Variants in HPS4 observed in about 807,000 individuals in gnomAD.
HPS4 encodes BLOC-3 complex member HPS4.
In HPS4, 44 loss-of-function variants were observed where a neutral mutation model predicts 70.3. That is an observed-to-expected ratio of 0.63 (90% confidence interval 0.49 to 0.80). The LOEUF (loss-of-function observed/expected upper bound fraction) is 0.80. Among genes scored for constraint, HPS4 ranks in the 30% least tolerant of loss-of-function variants. HPS4 has a pLI of 0.00. For synonymous variants in HPS4, 377 were observed against 355.9 expected (o/e 1.06, Z -0.67); for missense variants, 873 against 884.4 (o/e 0.99, Z 0.16).
intron 5 of HPS4, 33 bp from the exon 6 acceptor site, chr22:26,472,451 A>C: frequency 7.5e-7 from 1 of 1,326,998 alleles, no homozygotes; most frequent in Non-Finnish European, 1.1e-6. Context: ...TCAATATCTG[A>C]GATTTTGAGG....
chr22:26,463,370 C>T (rs1344577253), intron 11 of HPS4, among the ~76,000 whole-genome samples: 1 of 152,204 alleles, frequency 6.6e-6, no homozygotes, highest in Non-Finnish European at 1.5e-5. Flanking sequence ...CTGTGACACA[C>T]TGCGGAGGAG....
At chr22:26,480,693 G>C (rs1287001060) in intron 2 of HPS4, among the ~76,000 whole-genome samples, 1 of 152,054 alleles carries the variant, frequency 6.6e-6, no homozygotes, top group African/African-American at 2.4e-5. Flanking sequence ...TAGGTAGGAG[G>C]ACTGCTTGAG....
Position 26,452,686 on chromosome 22 carries a change from T to C in HPS4, c.*547A>G, listed in dbSNP as rs931188986. ...AGAATTCAACCAAGTGGTCTCCGTG[T>C]GCTGCCGCTTCCCTGCAGGAACGAT... On this transcript the variant is annotated 3_prime_UTR_variant, in exon 14 of 14. Transcript: ENST00000398145. 4.1e-6 allele frequency: 1 copy of C among 245,630 alleles called. No homozygotes were observed. Among genetic ancestry groups the C allele is most frequent in the African/African-American group, 2.3e-5 (1 of 43,836 alleles). 15.2% of individuals were successfully genotyped at this position (245,630 alleles called of 1,614,324 possible). A position where few individuals can be genotyped will look rare whatever the true frequency, so the allele number is the denominator to read the frequency against.
In HPS4 at chr22:26,470,757, C is replaced by A. The variant is rs13054747; in HGVS notation, c.558G>T (p.Ser186=). The change falls in exon 7 of 14, where the codon TCG becomes TCT. Residue 186 remains serine, a synonymous_variant. Coordinates refer to ENST00000398145, the MANE Select transcript of HPS4 (RefSeq NM_022081.6). Reference sequence around the variant, plus strand: ...GGATGCAGCCAGCGAGAATGTGAGGCGAGCGCTGGCAGGTCTGCAGAATGC... The same window carrying A: ...GGATGCAGCCAGCGAGAATGTGAGGAGAGCGCTGGCAGGTCTGCAGAATGC... ...AARILQTCQR[S]PHILAGCILY... 6.2e-7 allele frequency: 1 copy of A among 1,614,078 alleles called. No homozygotes were observed. Among genetic ancestry groups the A allele is most frequent in the Admixed American group, 1.7e-5 (1 of 60,012 alleles).
At chr22:26,479,428 T>G in intron 2 of HPS4, 73 bp from the exon 3 acceptor site, 1 of 1,579,998 alleles carries the variant, frequency 6.3e-7, no homozygotes. Context: ...CAGCTTCCTG[T>G]TTCCCAGCCC....
chr22:26,464,439 G>A lies in HPS4; in HGVS notation c.1191C>T (p.Gly397=), dbSNP rs1445464187. Residue 397 remains glycine (G), a synonymous_variant, in exon 11 of 14, where the codon GGC becomes GGT. Coordinates refer to ENST00000398145, the MANE Select transcript of HPS4 (RefSeq NM_022081.6). ...GAGATGCCTTGCAGTAAGGAGCCCT[G>A]CCATCTGGAACAGGCACATGTAGGA... ...FAFLHVPVPD[G]RAPYCKASLS... The A allele has an allele frequency of 1.2e-6, 2 of 1,614,200 alleles. No homozygotes were observed. Among genetic ancestry groups the A allele is most frequent in the East Asian group, 4.5e-5 (2 of 44,884 alleles).
At chr22:26,458,368 C>T in intron 12 of HPS4, 77 bp downstream of exon 12, 1 of 1,558,736 alleles carries the variant, frequency 6.4e-7, no homozygotes, top group Non-Finnish European at 8.8e-7. Context: ...CATCATGATG[C>T]TGGGGCTCAA....
At chr22:26,471,007 C>T (rs932158147) in intron 6 of HPS4, 194 bp from the exon 7 acceptor site, 2 of 1,113,810 alleles carry the variant, frequency 1.8e-6, no homozygotes, top group African/African-American at 3.1e-5. Flanking sequence ...ACTGCTGACA[C>T]CACTAAATGC....
intron 7 of HPS4, among the ~76,000 whole-genome samples, chr22:26,469,238 G>A (rs1005860675): frequency 6.9e-6 from 1 of 145,222 alleles, no homozygotes; most frequent in African/African-American, 2.6e-5. Context: ...CTTGAGCTTA[G>A]GAGTTTGAGA....
chr22:26,456,198 A>G (rs913844650), intron 13 of HPS4, among the ~76,000 whole-genome samples: 5 of 152,168 alleles, frequency 3.3e-5, no homozygotes, highest in African/African-American at 1.2e-4. Context: ...CTCACACTGG[A>G]CCACACTGCC....
chr22:26,465,568 A>G lies in HPS4; in HGVS notation c.707-17T>C. 3 of 1,604,122 alleles carry G rather than the reference A, an allele frequency of 1.9e-6. No individual in the cohort carries two copies. The highest frequency in any genetic ancestry group is 1.1e-5 in the South Asian group (1 of 90,848). On this transcript the variant is annotated splice_polypyrimidine_tract_variant and intron_variant, in intron 9 of 13. Coordinates refer to ENST00000398145, the MANE Select transcript of HPS4 (RefSeq NM_022081.6). ...ATGCCGCTCCTGGAATTGCAAAGCA[A>G]TATGAACAGGACTTTCCCCTGAGCC... is the stretch of plus-strand genomic sequence containing the variant.
At chr22:26,465,377 G>A (rs2088324355) in intron 10 of HPS4, 78 bp downstream of exon 10, 1 of 947,360 alleles carries the variant, frequency 1.1e-6, no homozygotes, top group Non-Finnish European at 1.7e-6. Context: ...GGATGTATCA[G>A]AGGTTTGTTT....
intron 7 of HPS4, among the ~76,000 whole-genome samples, chr22:26,469,716 T>C (rs2089459226): frequency 6.7e-6 from 1 of 149,254 alleles, no homozygotes; most frequent in Non-Finnish European, 1.5e-5. Flanking sequence ...AAAAAATATA[T>C]ATATATACAT....
intron 7 of HPS4, among the ~76,000 whole-genome samples, chr22:26,469,216 G>A (rs1277169431): frequency 6.7e-6 from 1 of 148,878 alleles, no homozygotes; most frequent in Admixed American, 6.8e-5. Context: ...GGAGGCTGAG[G>A]TGGGAGAATA....
chr22:26,466,400 C>G, intron 8 of HPS4, 138 bp from the exon 9 acceptor site: 1 of 920,048 alleles, frequency 1.1e-6, no homozygotes, highest in African/African-American at 1.6e-5. Context: ...TGCTAAGAGC[C>G]AAGCAGATGG....
intron 11 of HPS4, 81 bp from the exon 12 acceptor site, chr22:26,458,658 TA>T (rs948074733): frequency 6.9e-3 from 9,467 of 1,380,252 alleles, no homozygotes; most frequent in Admixed American, 8.2e-3. Context: ...CAGACTTAGT[TA>T]AAAAAAAAAT....
chr22:26,445,598 C>T (rs1238084374), intron 3 of HPS4, among the ~76,000 whole-genome samples: 1 of 152,200 alleles, frequency 6.6e-6, no homozygotes, highest in African/African-American at 2.4e-5. Context: ...CAGGAGTTTG[C>T]ACCCTCGGGA....
chr22:26,464,573 T>G lies in HPS4; in HGVS notation c.1057A>C (p.Ser353Arg), dbSNP rs766419128. The change falls in exon 11 of 14, where the codon AGC becomes CGC. Residue 353 changes from serine (S) to arginine (R), a missense_variant. Coordinates refer to ENST00000398145, the MANE Select transcript of HPS4 (RefSeq NM_022081.6). Reference protein sequence around the residue: ...NSARGEVLGLSSSLGKELVFL... With the variant: ...NSARGEVLGLRSSLGKELVFL... ...ACTAGTTCCTTCCCCAGGGAGGAGC[T>G]GAGGCCAAGAACCTCACCCCTGGCA... 1.2e-6 allele frequency: 2 copies of G among 1,614,098 alleles called. No homozygotes were observed. Among genetic ancestry groups the G allele is most frequent in the Non-Finnish European group, 1.7e-6 (2 of 1,180,038 alleles).
In HPS4 at chr22:26,463,664, G is replaced by A. The variant is rs539246615; in HGVS notation, c.1713+253C>T. Among the ~76,000 whole-genome samples the A allele has an allele frequency of 2.5e-4, 38 of 152,344 alleles. No individual in the cohort carries two copies. In the South Asian group the frequency reaches 7.9e-3, roughly 32 times the overall value. On this transcript the variant is annotated intron_variant, in intron 11 of 13. Transcript: ENST00000398145. Reference sequence around the variant, plus strand: ...GCGCTCTGCAAAACTAGAAACAGCGGAAGAAGAGAACCAACACTTGTTGGA... The same window carrying A: ...GCGCTCTGCAAAACTAGAAACAGCGAAAGAAGAGAACCAACACTTGTTGGA...
Sources: gnomAD v4.1 joint callset for allele counts (sites outside exome capture counted in the v4.1 genomes callset) on GRCh38, gnomAD v4.1.1 for gene constraint, MANE v1.5 for transcripts, NCBI Gene and HGNC (gene_info 2026-07-23, HGNC 2026-07-21) for gene names.